The following TUBB8 variants were observed in gnomAD, a reference collection of about 807,000 sequenced individuals.
TUBB8 encodes tubulin beta-8 chain.
TUBB8 carries 25 observed loss-of-function variants against 33.7 expected under a neutral mutation model. The ratio of observed to expected loss-of-function variants is 0.74; its 90% CI spans 0.54 to 1.04. The LOEUF (loss-of-function observed/expected upper bound fraction) is 1.04, where lower values mean the gene tolerates loss of function less well. Among genes scored for constraint, TUBB8 ranks in the 50% least tolerant of loss-of-function variants. The probability of loss-of-function intolerance (pLI) is 0.00; values close to 1 mark genes in which losing one functional copy is unlikely to be tolerated. For synonymous variants in TUBB8, 245 were observed against 240.1 expected (o/e 1.02, Z -0.19); for missense variants, 279 against 608.0 (o/e 0.46, Z 5.69).
upstream of TUBB8, among the ~76,000 whole-genome samples, chr10:53,474 A>G (rs1436813945): frequency 1.1e-4 from 16 of 152,336 alleles, no homozygotes; most frequent in African/African-American, 3.8e-4. Context: ...TTGAGCAGGG[A>G]GCTGAGCAAA....
Position 47,672 on chromosome 10 carries a change from C to A in TUBB8, c.720G>T (p.Leu240=). The A allele has an allele frequency of 6.2e-7, 1 of 1,610,568 alleles. No individual in the cohort carries two copies. The highest frequency in any genetic ancestry group is 8.5e-7 in the Non-Finnish European group (1 of 1,179,012). Residue 240 remains leucine (L), a synonymous_variant, in exon 4 of 4, where the codon CTG becomes CTT. Coordinates refer to ENST00000568584, the MANE Select transcript of TUBB8 (RefSeq NM_177987.3). ...SATMSGVTTC[L]RFPGQLNADL... ...CAGCATTCAGCTGGCCCGGGAAGCG[C>A]AGGCACGTGGTGACCCCACTCATGG...
At chr10:68,218 A>G (rs77720993) in intron 1 of TUBB8, among the ~76,000 whole-genome samples, 19,370 of 119,680 alleles carry the variant, frequency 0.16, no homozygotes, top group African/African-American at 0.3. Flanking sequence ...TGTGACACCC[A>G]TAAGACTGAT....
At chr10:53,976 A>T (rs1311376933), upstream of TUBB8, among the ~76,000 whole-genome samples, 19 of 152,066 alleles carry the variant, frequency 1.2e-4, no homozygotes, top group African/African-American at 4.6e-4. Context: ...ACAGGCATGC[A>T]ATCAGTAATA....
chr10:76,419 G>A (rs1834815183), upstream of TUBB8, among the ~76,000 whole-genome samples: 1 of 152,012 alleles, frequency 6.6e-6, no homozygotes, highest in Admixed American at 6.6e-5. Flanking sequence ...GAAACGCGCC[G>A]CGCTCGCTCC....
upstream of TUBB8, among the ~76,000 whole-genome samples, chr10:52,256 C>T (rs1242421809): frequency 3.0e-5 from 4 of 133,036 alleles, no homozygotes; most frequent in African/African-American, 1.2e-4. Context: ...GACCCTAAAA[C>T]ACAGCCCACT....
chr10:49,595 C>G, upstream of TUBB8: 2 of 528,578 alleles, frequency 3.8e-6, no homozygotes, highest in South Asian at 1.5e-5. Flanking sequence ...TCCATATGCA[C>G]GGAGTGCCTT....
intron 1 of TUBB8, among the ~76,000 whole-genome samples, chr10:67,845 C>G (rs1364977615): frequency 6.6e-6 from 1 of 152,234 alleles, no homozygotes; most frequent in Non-Finnish European, 1.5e-5. Flanking sequence ...AATCCTAGCT[C>G]TTCAGCATGA....
chr10:72,740 T>C (rs1312625300), intron 1 of TUBB8, among the ~76,000 whole-genome samples: 19 of 143,018 alleles, frequency 1.3e-4, no homozygotes, highest in African/African-American at 3.0e-4. Context: ...GTAATCCCAG[T>C]TCTTGGGGAG....
intron 1 of TUBB8, among the ~76,000 whole-genome samples, chr10:59,448 A>T (rs1554740603): frequency 6.6e-6 from 1 of 152,188 alleles, no homozygotes; most frequent in Non-Finnish European, 1.5e-5. Context: ...CTAGGCTTCC[A>T]AAAGTGCTGG....
intron 1 of TUBB8, 49 bp downstream of exon 1, chr10:49,133 C>G (rs782362715): frequency 2.6e-6 from 4 of 1,536,572 alleles, no homozygotes; most frequent in East Asian, 2.4e-5. Flanking sequence ...ACACCTTCCC[C>G]GGCCACCCGG....
chr10:61,658 T>A (rs1834603458), intron 1 of TUBB8, among the ~76,000 whole-genome samples: 2 of 152,220 alleles, frequency 1.3e-5, no homozygotes, highest in African/African-American at 2.4e-5. Flanking sequence ...CTTTGTTGAT[T>A]TTCTGTCTGG....
upstream of TUBB8, chr10:49,413 G>A (rs4320883): frequency 0.69 from 499,471 of 726,148 alleles, 175,003 homozygotes; most frequent in Middle Eastern, 0.78. Context: ...CCCACCTGTG[G>A]ATCCCCTGGC....
At chr10:74,045 C>G (rs1834773954) in exon 1 of TUBB8, 1 of 154,566 alleles carries the variant, frequency 6.5e-6, no homozygotes, top group Admixed American at 6.6e-5. Context: ...GTCCCAAGCC[C>G]CGGCCCCTCC....
In TUBB8 at chr10:48,861, G is replaced by A. The variant is rs781887693; in HGVS notation, c.109C>T (p.His37Tyr). The change falls in exon 2 of 4, where the codon CAC (histidine) becomes TAC (tyrosine). Residue 37 changes from histidine to tyrosine, a missense_variant. His to Tyr is a moderately conservative substitution (Grantham distance 83). This residue lies in a region of TUBB8 where 56 missense variants were observed against 77.9 expected (regional missense o/e 0.72). Transcript: ENST00000568584. Reference sequence around the variant, plus strand: ...TCCAGCTGCAGGTGGCTGTCCCCGTGGTAGGTGCCAGCGGAGTCGATGGCA... The same window carrying A: ...TCCAGCTGCAGGTGGCTGTCCCCGTAGTAGGTGCCAGCGGAGTCGATGGCA... ...EHAIDSAGTY[H>Y]GDSHLQLERI... 13 of 1,592,570 alleles carry A rather than the reference G, an allele frequency of 8.2e-6. No homozygotes were observed. The highest frequency in any genetic ancestry group is 6.8e-5 in the East Asian group (3 of 43,892).
intron 1 of TUBB8, among the ~76,000 whole-genome samples, chr10:73,780 A>G (rs1286560135): frequency 4.6e-5 from 7 of 151,620 alleles, no homozygotes; most frequent in African/African-American, 1.7e-4. Context: ...TCCCGGTACC[A>G]GGGTCTCTCC....
intron 1 of TUBB8, among the ~76,000 whole-genome samples, chr10:72,931 A>G (rs9419459): frequency 0.78 from 118,479 of 151,394 alleles, 46,973 homozygotes; most frequent in Middle Eastern, 0.88. Context: ...TCAGTATTAA[A>G]TAACCTTAAC....
chr10:64,975 T>TAAAAAAAAAAAAAAAAAA (rs61340461), intron 1 of TUBB8, among the ~76,000 whole-genome samples: 75 of 118,494 alleles, frequency 6.3e-4, no homozygotes, highest in South Asian at 9.0e-4. Context: ...CCATCTCCAC[T>TAAAAAAAAAAAAAAAAAA]AAAAAAAAAA....
At chr10:64,975 T>TAAA (rs61340461) in intron 1 of TUBB8, among the ~76,000 whole-genome samples, 7 of 118,566 alleles carry the variant, frequency 5.9e-5, no homozygotes, top group Non-Finnish European at 1.1e-4. Flanking sequence ...CCATCTCCAC[T>TAAA]AAAAAAAAAA....
At chr10:50,747 G>A (rs1170007233), upstream of TUBB8, among the ~76,000 whole-genome samples, 12 of 152,174 alleles carry the variant, frequency 7.9e-5, no homozygotes, top group Admixed American at 3.3e-4. Flanking sequence ...AACTGCAGGG[G>A]CCTAGTTAGT....
Sources: allele counts gnomAD v4.1 joint callset (sites outside exome capture counted in the v4.1 genomes callset), GRCh38; gene constraint gnomAD v4.1.1; regional missense constraint gnomAD v4.1.1; transcripts MANE v1.5; gene names NCBI Gene and HGNC (gene_info 2026-07-23, HGNC 2026-07-21).